PLD1: variants seen among roughly 807,000 people sequenced by gnomAD.
PLD1 encodes phospholipase D1.
Under a neutral mutation model 137.1 loss-of-function variants are expected in PLD1, and 112 were observed. The observed-to-expected ratio is 0.82, with a 90% confidence interval of 0.70 to 0.96. PLD1 has a LOEUF of 0.96. PLD1 is among the 40% of genes least tolerant of loss of function. PLD1 has a pLI of 0.00. For synonymous variants in PLD1, 431 were observed against 454.7 expected, an observed-to-expected ratio of 0.95 and a Z score of 0.66; for missense variants, 1,321 against 1,342.0, an observed-to-expected ratio of 0.98 and a Z score of 0.24.
chr3:171,776,719 ATTTTATTTTG>A (rs1478781235), intron 1 of PLD1, among the ~76,000 whole-genome samples: 3 of 152,018 alleles, frequency 2.0e-5, no homozygotes, highest in Non-Finnish European at 4.4e-5. Flanking sequence ...TCTATATTTC[ATTTTATTTTG>A]TTTTATTTTG....
At chr3:171,754,519 C>T (rs1480541383) in intron 1 of PLD1, among the ~76,000 whole-genome samples, 1 of 152,194 alleles carries the variant, frequency 6.6e-6, no homozygotes, top group Non-Finnish European at 1.5e-5. Context: ...CTGTAAGTTA[C>T]TGCCTTCATA....
chr3:171,807,788 C>T (rs1723913219), intron 1 of PLD1, among the ~76,000 whole-genome samples: 1 of 152,162 alleles, frequency 6.6e-6, no homozygotes, highest in Non-Finnish European at 1.5e-5. Flanking sequence ...TTCACCACAG[C>T]ACTAGTCACA....
intron 1 of PLD1, among the ~76,000 whole-genome samples, chr3:171,798,523 G>GTC (rs1723519123): frequency 6.6e-6 from 1 of 152,174 alleles, no homozygotes; most frequent in South Asian, 2.1e-4. Flanking sequence ...AGGTGACAGT[G>GTC]TCAATAATGG....
chr3:171,797,366 A>G (rs1365167354), intron 1 of PLD1, among the ~76,000 whole-genome samples: 1 of 152,226 alleles, frequency 6.6e-6, no homozygotes, highest in African/African-American at 2.4e-5. Context: ...CAGCTAAACC[A>G]TTAGATCAGT....
intron 1 of PLD1, among the ~76,000 whole-genome samples, chr3:171,808,307 CGGG>C (rs1347577706): frequency 6.6e-6 from 1 of 151,860 alleles, no homozygotes; most frequent in African/African-American, 2.4e-5. Flanking sequence ...GAGGCCGAGG[CGGG>C]CGGATCACGA....
At chr3:171,668,436 T>A (rs1037353238) in intron 19 of PLD1, among the ~76,000 whole-genome samples, 1 of 152,262 alleles carries the variant, frequency 6.6e-6, no homozygotes, top group Non-Finnish European at 1.5e-5. Context: ...ATCTAACAGA[T>A]CCTTGGGAAT....
At chr3:171,750,228 A>T (rs1720557563) in intron 1 of PLD1, among the ~76,000 whole-genome samples, 1 of 152,202 alleles carries the variant, frequency 6.6e-6, no homozygotes, top group Admixed American at 6.5e-5. Flanking sequence ...AGAAAATCTC[A>T]CCAGAGAAAA....
chr3:171,723,357 T>C (rs1053785387), intron 8 of PLD1, among the ~76,000 whole-genome samples: 1 of 152,340 alleles, frequency 6.6e-6, no homozygotes, highest in Non-Finnish European at 1.5e-5. Flanking sequence ...GTACATTTTC[T>C]TTATCCATTC....
chr3:171,728,548 T>A (rs1371479671), intron 6 of PLD1, among the ~76,000 whole-genome samples: 4 of 152,174 alleles, frequency 2.6e-5, no homozygotes, highest in African/African-American at 9.7e-5. Context: ...ATAATGTCAG[T>A]CCTAGTTTAC....
chr3:171,660,250 A>T (rs953047175), intron 20 of PLD1, among the ~76,000 whole-genome samples: 1 of 152,228 alleles, frequency 6.6e-6, no homozygotes, highest in Non-Finnish European at 1.5e-5. Flanking sequence ...AATCTGTAAA[A>T]TGCCTCCAGA....
At chr3:171,724,953 G>A (rs964460126) in intron 7 of PLD1, among the ~76,000 whole-genome samples, 165 bp from the exon 8 acceptor site, 25 of 128,172 alleles carry the variant, frequency 2.0e-4, no homozygotes, top group Non-Finnish European at 3.9e-4. Context: ...GTTAGGCCGG[G>A]TACCCTAGAG....
At position 171,802,904 on chromosome 3, in the gene PLD1, G is replaced by T. The variant is rs554829874; in HGVS notation, c.-32+7495C>A. 2.6e-5 allele frequency among the ~76,000 whole-genome samples: 4 copies of T among 152,378 alleles called. No homozygotes were observed. In the South Asian group the frequency reaches 6.2e-4, roughly 24 times the overall value. ...CTGATTCTAAGCAAGGTACACAGGT[G>T]CCAGGGCTGGAGAGCAAGAGCCCAC... On this transcript the variant is annotated intron_variant, in intron 1 of 26. Transcript: ENST00000351298.
chr3:171,633,417 A>G (rs767718031), intron 23 of PLD1, among the ~76,000 whole-genome samples: 2 of 152,102 alleles, frequency 1.3e-5, no homozygotes, highest in Non-Finnish European at 2.9e-5. Context: ...GAACCTGGAG[A>G]TTTATTCAGA....
chr3:171,624,035 TAAA>T (rs1295897376), intron 23 of PLD1, among the ~76,000 whole-genome samples: 1 of 147,246 alleles, frequency 6.8e-6, no homozygotes, highest in African/African-American at 2.5e-5. Context: ...TTGGTTAGAT[TAAA>T]AAAATAACAA....
At position 171,796,947 on chromosome 3, in the gene PLD1, G is replaced by T. The variant is rs1448509753; in HGVS notation, c.-32+13452C>A. Among the ~76,000 whole-genome samples, 7 of 152,244 alleles carry T rather than the reference G, an allele frequency of 4.6e-5. No individual in the cohort carries two copies. In the East Asian group the frequency reaches 7.7e-4, roughly 17 times the overall value. ...CTCTTCCTGCACCATCCGTCGCAAT[G>T]CCAGAGCTGCCCTTCTTAAGCATAG... On this transcript the variant is annotated intron_variant, in intron 1 of 26. Coordinates refer to ENST00000351298, the MANE Select transcript of PLD1 (RefSeq NM_002662.5).
intron 16 of PLD1, among the ~76,000 whole-genome samples, chr3:171,684,627 C>T (rs925064250): frequency 7.2e-5 from 11 of 152,040 alleles, no homozygotes; most frequent in African/African-American, 2.7e-4. Flanking sequence ...AGAGGGTCTC[C>T]CTCTGTCACC....
chr3:171,702,143 T>C (rs1290652514), intron 11 of PLD1, among the ~76,000 whole-genome samples: 3 of 152,120 alleles, frequency 2.0e-5, no homozygotes, highest in Non-Finnish European at 4.4e-5. Context: ...ATGTTGACTC[T>C]TTGAAATATC....
chr3:171,744,409 A>G (rs1560270849), intron 1 of PLD1, among the ~76,000 whole-genome samples: 1 of 152,150 alleles, frequency 6.6e-6, no homozygotes, highest in East Asian at 1.9e-4. Flanking sequence ...TATTATGTCT[A>G]TGGTTCTAAG....
At chr3:171,684,809 A>G (rs1482383991) in intron 16 of PLD1, among the ~76,000 whole-genome samples, 2 of 152,134 alleles carry the variant, frequency 1.3e-5, no homozygotes, top group African/African-American at 4.8e-5. Context: ...ATGGTCTTGA[A>G]TTCCTGGGCT....
Sources: allele counts gnomAD v4.1 joint callset (sites outside exome capture counted in the v4.1 genomes callset), GRCh38; gene constraint gnomAD v4.1.1; transcripts MANE v1.5; gene names NCBI Gene and HGNC (gene_info 2026-07-23, HGNC 2026-07-21).